QSER1: variants seen among roughly 807,000 people sequenced by gnomAD.
QSER1 encodes glutamine and serine-rich protein 1.
A neutral mutation model predicts 158.5 loss-of-function variants in QSER1; 49 were observed. The observed-to-expected ratio is 0.31, with a 90% confidence interval of 0.25 to 0.39. The LOEUF is 0.39. QSER1 is among the 10% of genes least tolerant of loss of function. The probability of loss-of-function intolerance (pLI) is 1.00; values close to 1 mark genes in which losing one functional copy is unlikely to be tolerated. For missense variants in QSER1, 1,754 were observed against 2,010.3 expected (o/e 0.87, Z 2.44); for synonymous variants, 650 against 715.5 (o/e 0.91, Z 1.46).
At chr11:32,915,982 A>T (rs917719119) in intron 1 of QSER1, among the ~76,000 whole-genome samples, 1 of 149,826 alleles carries the variant, frequency 6.7e-6, no homozygotes, top group Non-Finnish European at 1.5e-5. Context: ...CAATGGTGTG[A>T]TCTCCAACTC....
chr11:32,927,917 ATTT>A, intron 2 of QSER1, 42 bp from the exon 3 acceptor site: 1 of 395,526 alleles, frequency 2.5e-6, no homozygotes, highest in African/African-American at 2.1e-5. Flanking sequence ...ATACAAGTAA[ATTT>A]TTTTTTTTTT....
chr11:32,964,779 CACAT>C lies in QSER1; in HGVS notation c.4970-1517_4970-1514del, dbSNP rs1331283830. Reference sequence around the variant, plus strand: ...ACACACACACACACACACACACACACACATACACACACATAAACGCACACTATAT... The same window carrying C: ...ACACACACACACACACACACACACACACACACACATAAACGCACACTATAT... On this transcript the variant is annotated intron_variant, in intron 8 of 12. Coordinates refer to ENST00000650167, the MANE Select transcript of QSER1 (RefSeq NM_001076786.3). Among the ~76,000 whole-genome samples the C allele has an allele frequency of 4.8e-4, 69 of 142,970 alleles. 1 individual carries two copies. The highest frequency in any genetic ancestry group is 9.1e-4 in the African/African-American group (33 of 36,406). 93.8% of individuals were successfully genotyped at this position (142,970 alleles called of 152,430 possible). A position where few individuals can be genotyped will look rare whatever the true frequency, so the allele number is the denominator to read the frequency against.
chr11:32,951,489 A>G (rs1364074745), intron 4 of QSER1, among the ~76,000 whole-genome samples: 1 of 152,138 alleles, frequency 6.6e-6, no homozygotes, highest in Non-Finnish European at 1.5e-5. Flanking sequence ...TTTTATAGGA[A>G]TTGGGTTGAT....
At chr11:32,916,516 CTG>C (rs970664359) in intron 1 of QSER1, among the ~76,000 whole-genome samples, 1 of 152,128 alleles carries the variant, frequency 6.6e-6, no homozygotes, top group Non-Finnish European at 1.5e-5. Flanking sequence ...AATTATATCA[CTG>C]TGCAAACATC....
intron 11 of QSER1, among the ~76,000 whole-genome samples, chr11:32,973,962 T>C (rs1429509182): frequency 1.3e-5 from 2 of 152,240 alleles, no homozygotes; most frequent in African/African-American, 4.8e-5. Context: ...TGTATATGCA[T>C]GCACATAGAT....
In QSER1 at chr11:32,979,219, G is replaced by A. The variant is rs951967607; in HGVS notation, c.*2745G>A. On this transcript the variant is annotated 3_prime_UTR_variant, in exon 13 of 13. Transcript: ENST00000650167. The stretch of plus-strand genomic sequence containing the variant: ...GGTTAGCATTTACATTCCTTGCCAG[G>A]GAGTTTGAAATTTATACTATAGAAA... 2.6e-5 allele frequency: 4 copies of A among 152,568 alleles called. No individual in the cohort carries two copies. Among genetic ancestry groups the A allele is most frequent in the Non-Finnish European group, 4.4e-5 (3 of 68,016 alleles). The allele number at this position is 152,568 out of a possible 1,614,324, so 9.5% of individuals were successfully genotyped here.
chr11:32,916,602 C>G (rs1379878356), intron 1 of QSER1, among the ~76,000 whole-genome samples: 1 of 152,130 alleles, frequency 6.6e-6, no homozygotes, highest in Non-Finnish European at 1.5e-5. Context: ...TCTGTCAATC[C>G]TAGGCTACAA....
rs191146606 is a variant in QSER1, at chr11:32,912,406, T to G, written c.210-14751T>G. Among the ~76,000 whole-genome samples the G allele has an allele frequency of 4.0e-3, 602 of 152,322 alleles. 2 individuals are homozygous for G. Among genetic ancestry groups the G allele is most frequent in the Non-Finnish European group, 7.1e-3 (481 of 68,032 alleles). On this transcript the variant is annotated intron_variant, in intron 1 of 12. Transcript: ENST00000650167. ...TACCTGGATTTCTGCAGTAGGATCT[T>G]GGCCTTCTCTCTTTAAGGTTTGTTC...
At chr11:32,968,209 T>C (rs188191281) in intron 9 of QSER1, among the ~76,000 whole-genome samples, 5 of 152,292 alleles carry the variant, frequency 3.3e-5, no homozygotes, top group Non-Finnish European at 7.4e-5. Flanking sequence ...ATTGAATCAC[T>C]AATAGAAAGA....
At chr11:32,947,249 C>T (rs1429862480) in intron 4 of QSER1, among the ~76,000 whole-genome samples, 1 of 152,084 alleles carries the variant, frequency 6.6e-6, no homozygotes, top group African/African-American at 2.4e-5. Flanking sequence ...CATCTTGGCT[C>T]CTCCCCCTGT....
At chr11:32,971,790 G>A (rs563743930) in intron 10 of QSER1, among the ~76,000 whole-genome samples, 13 of 152,138 alleles carry the variant, frequency 8.5e-5, no homozygotes, top group African/African-American at 2.4e-4. Flanking sequence ...CGGGACTGGC[G>A]CGGTGGCTCA....
In QSER1 at chr11:32,914,674, T is replaced by A. The variant is rs569788770; in HGVS notation, c.210-12483T>A. 7.9e-5 allele frequency among the ~76,000 whole-genome samples: 12 copies of A among 152,326 alleles called. No homozygotes were observed. The South Asian group carries it at 2.1e-3, about 26-fold the overall frequency. On this transcript the variant is annotated intron_variant, in intron 1 of 12. Coordinates refer to ENST00000650167, the MANE Select transcript of QSER1 (RefSeq NM_001076786.3). The stretch of plus-strand genomic sequence containing the variant: ...AAGAGTAGGCTACCCAAGGAGTAGG[T>A]TTATATGTTATTAATATCTGGGTAT...
Position 32,941,563 on chromosome 11 carries a change from A to G in QSER1, c.4177+6128A>G, listed in dbSNP as rs544126838. 1.1e-4 allele frequency among the ~76,000 whole-genome samples: 16 copies of G among 152,156 alleles called. No individual in the cohort carries two copies. In the East Asian group the frequency reaches 2.7e-3, roughly 26 times the overall value. On this transcript the variant is annotated intron_variant, in intron 4 of 12. Coordinates refer to ENST00000650167, the MANE Select transcript of QSER1 (RefSeq NM_001076786.3). ...ATGTCCCTACAAAGGACACGAACTC[A>G]TCATTTTTTGTGGCTGCATAGTATT...
At chr11:32,918,840 C>T (rs1851867521) in intron 1 of QSER1, among the ~76,000 whole-genome samples, 2 of 152,032 alleles carry the variant, frequency 1.3e-5, no homozygotes. Context: ...TATTCTAACG[C>T]TTAGGAAGTT....
intron 10 of QSER1, among the ~76,000 whole-genome samples, chr11:32,969,399 C>T (rs559956459): frequency 2.6e-5 from 4 of 152,094 alleles, no homozygotes; most frequent in South Asian, 2.1e-4. Context: ...GTTCTTTTAA[C>T]GCTTTTCAAA....
intron 9 of QSER1, 44 bp downstream of exon 9, chr11:32,966,481 A>G (rs765010236): frequency 6.4e-7 from 1 of 1,569,282 alleles, no homozygotes; most frequent in Non-Finnish European, 8.6e-7. Flanking sequence ...ACTTCCTGGA[A>G]TTAAAAAAAG....
At chr11:32,917,591 C>T (rs1283251668) in intron 1 of QSER1, among the ~76,000 whole-genome samples, 2 of 151,954 alleles carry the variant, frequency 1.3e-5, no homozygotes, top group Admixed American at 6.6e-5. Flanking sequence ...TTTGGGAGGC[C>T]GAGGTGGGCG....
chr11:32,912,390 T>G (rs2133510251), intron 1 of QSER1, among the ~76,000 whole-genome samples: 1 of 152,302 alleles, frequency 6.6e-6, no homozygotes, highest in African/African-American at 2.4e-5. Flanking sequence ...TTACCTGGAT[T>G]TCTGCAGTAG....
Position 32,932,467 on chromosome 11 carries a change from T to C in QSER1, c.1209T>C (p.Pro403=). Residue 403 remains proline (P), a synonymous_variant, in exon 4 of 13, where the codon CCT becomes CCC. Transcript: ENST00000650167. ...CTGCGATTCCATCATCAGGGTATCCTCCTTCTACTACAAAAATAAAAAGCT... is the reference window on the plus strand; with the variant it reads ...CTGCGATTCCATCATCAGGGTATCCCCCTTCTACTACAAAAATAAAAAGCT... ...YSSAIPSSGY[P]PSTTKIKSCS... 1 of 1,613,728 alleles carries C rather than the reference T, an allele frequency of 6.2e-7. No homozygotes were observed. Among genetic ancestry groups the C allele is most frequent in the Non-Finnish European group, 8.5e-7 (1 of 1,179,990 alleles).
Sources: allele counts gnomAD v4.1 joint callset (sites outside exome capture counted in the v4.1 genomes callset), GRCh38; gene constraint gnomAD v4.1.1; transcripts MANE v1.5; gene names NCBI Gene and HGNC (gene_info 2026-07-23, HGNC 2026-07-21).